AGBL4: variants seen among roughly 807,000 people sequenced by gnomAD.
The protein encoded by AGBL4 is AGBL carboxypeptidase 4.
Under a neutral mutation model 66.4 loss-of-function variants are expected in AGBL4, and 58 were observed. The observed-to-expected ratio is 0.87, with a 90% CI of 0.71 to 1.09. AGBL4 has a LOEUF of 1.09. Among genes scored for constraint, AGBL4 ranks in the 50% least tolerant of loss-of-function variants. The pLI, the probability that AGBL4 is intolerant of heterozygous loss-of-function variation, is 0.00. For missense variants in AGBL4, 579 were observed against 631.0 expected (o/e 0.92, Z 0.88); for synonymous variants, 234 against 222.9 (o/e 1.05, Z -0.44).
At chr1:49,907,726 A>G (rs1650415997) in intron 1 of AGBL4, among the ~76,000 whole-genome samples, 1 of 152,168 alleles carries the variant, frequency 6.6e-6, no homozygotes, top group African/African-American at 2.4e-5. Context: ...TGCTCTGTAT[A>G]TAATTATAAT....
rs550642740 is a variant in AGBL4, at chr1:49,376,974, A to G, written c.283-131110T>C. On this transcript the variant is annotated intron_variant, in intron 3 of 13. Transcript: ENST00000371839. ...GAATGTTTACTTGAAAGTAATAAGT[A>G]AGTCTATATTATCTCTACATCCTCT... Among the ~76,000 whole-genome samples the G allele has an allele frequency of 2.0e-5, 3 of 152,268 alleles. No homozygotes were observed. In the South Asian group the frequency reaches 6.2e-4, roughly 32 times the overall value.
At chr1:49,388,921 A>G (rs1017746435) in intron 3 of AGBL4, among the ~76,000 whole-genome samples, 1 of 152,192 alleles carries the variant, frequency 6.6e-6, no homozygotes, top group East Asian at 1.9e-4. Context: ...GGTTCCTGGG[A>G]TACAAATATG....
intron 3 of AGBL4, among the ~76,000 whole-genome samples, chr1:49,328,427 C>T (rs954004342): frequency 2.0e-5 from 3 of 152,146 alleles, no homozygotes; most frequent in African/African-American, 7.2e-5. Context: ...TTCTTCTTGT[C>T]TTGGTTTTCT....
chr1:48,807,926 C>T lies in AGBL4; in HGVS notation c.634+59265G>A, dbSNP rs1376130198. ...CTGCATCATCTTAATCTCCTCTGGA[C>T]ACAGAAAATCAGTGGGCACATCTTG... On this transcript the variant is annotated intron_variant, in intron 6 of 13. Transcript: ENST00000371839. 2.0e-5 allele frequency among the ~76,000 whole-genome samples: 3 copies of T among 152,100 alleles called. No homozygotes were observed. The East Asian group carries it at 5.8e-4, about 29-fold the overall frequency.
intron 2 of AGBL4, among the ~76,000 whole-genome samples, chr1:49,848,135 G>C (rs931790986): frequency 1.3e-5 from 2 of 152,226 alleles, no homozygotes; most frequent in African/African-American, 2.4e-5. Flanking sequence ...TGAGGATGCA[G>C]AGACAAGAGA....
intron 6 of AGBL4, among the ~76,000 whole-genome samples, chr1:48,813,841 CT>C (rs767698264): frequency 1.3e-3 from 178 of 140,282 alleles, no homozygotes; most frequent in Middle Eastern, 7.3e-3. Context: ...TTTTGGGTAG[CT>C]TTTTTTTTTT....
chr1:48,667,994 G>C (rs544613047), intron 6 of AGBL4, among the ~76,000 whole-genome samples: 1 of 142,014 alleles, frequency 7.0e-6, no homozygotes. Flanking sequence ...TGTTATAATG[G>C]GGGAAGCATT....
chr1:49,172,973 G>A (rs1557699512), intron 4 of AGBL4, among the ~76,000 whole-genome samples: 1 of 152,074 alleles, frequency 6.6e-6, no homozygotes, highest in South Asian at 2.1e-4. Context: ...ACAAAAGTTA[G>A]CCAGGTGTGG....
In AGBL4 at chr1:49,027,722, T is replaced by C. The variant is rs1304139467; in HGVS notation, c.594+17862A>G. ...AAGCTCTATTCAAGGTGGATGCTGC[T>C]AAGAAATAAGTCTTCCTTCCCCCAC... On this transcript the variant is annotated intron_variant, in intron 5 of 13. Coordinates refer to ENST00000371839, the MANE Select transcript of AGBL4 (RefSeq NM_032785.4). 2.0e-5 allele frequency among the ~76,000 whole-genome samples: 3 copies of C among 152,256 alleles called. No homozygotes were observed. The East Asian group carries it at 5.8e-4, about 30-fold the overall frequency.
At chr1:49,281,716 G>C (rs777310149) in intron 3 of AGBL4, among the ~76,000 whole-genome samples, 1 of 152,144 alleles carries the variant, frequency 6.6e-6, no homozygotes, top group Non-Finnish European at 1.5e-5. Context: ...CATCACAATG[G>C]CCAATAATGA....
intron 3 of AGBL4, among the ~76,000 whole-genome samples, chr1:49,251,087 T>C (rs1365073707): frequency 6.6e-6 from 1 of 152,126 alleles, no homozygotes; most frequent in Non-Finnish European, 1.5e-5. Flanking sequence ...CTGCTGGCCA[T>C]TCCTGGGTCC....
chr1:49,186,934 A>G (rs1019693251), intron 4 of AGBL4, among the ~76,000 whole-genome samples: 10 of 152,112 alleles, frequency 6.6e-5, no homozygotes, highest in African/African-American at 2.4e-4. Flanking sequence ...GATTAAAACT[A>G]TGTCATCTAC....
In AGBL4 at chr1:49,740,646, G is replaced by C. The variant is rs537315310; in HGVS notation, c.158-43209C>G. On this transcript the variant is annotated intron_variant, in intron 2 of 13. Transcript: ENST00000371839. ...CTATTCCAAAATTGACCATATAGTA[G>C]GAAATAAAGCACTCCTCAGCAAATG... is the stretch of plus-strand genomic sequence containing the variant. Among the ~76,000 whole-genome samples the C allele has an allele frequency of 4.0e-4, 61 of 152,094 alleles. 1 individual carries two copies. The South Asian group carries it at 7.7e-3, about 19-fold the overall frequency.
intron 3 of AGBL4, chr1:49,257,363 G>C (rs1557773383): frequency 6.3e-6 from 1 of 157,578 alleles, no homozygotes; most frequent in Non-Finnish European, 1.4e-5. Flanking sequence ...ACGTAAGCGA[G>C]CCTCAGCAAT....
At chr1:49,975,948 A>G (rs1377743445) in intron 1 of AGBL4, among the ~76,000 whole-genome samples, 1 of 152,152 alleles carries the variant, frequency 6.6e-6, no homozygotes, top group African/African-American at 2.4e-5. Flanking sequence ...TATATTTAAC[A>G]TGTCTTCACA....
chr1:48,700,464 C>G (rs1329289690), intron 6 of AGBL4, among the ~76,000 whole-genome samples: 3 of 152,292 alleles, frequency 2.0e-5, no homozygotes, highest in African/African-American at 7.2e-5. Context: ...GCTCAGCTAT[C>G]AAGGGCTTCA....
chr1:48,710,320 T>C (rs1646946121), intron 6 of AGBL4, among the ~76,000 whole-genome samples: 1 of 152,140 alleles, frequency 6.6e-6, no homozygotes, highest in South Asian at 2.1e-4. Flanking sequence ...GTACTTACAG[T>C]GCCATGGAGG....
intron 4 of AGBL4, among the ~76,000 whole-genome samples, chr1:49,163,069 C>T (rs903424718): frequency 1.3e-5 from 2 of 152,108 alleles, no homozygotes; most frequent in African/African-American, 2.4e-5. Context: ...CTTAATGGAG[C>T]TCTTCAGCAA....
intron 3 of AGBL4, among the ~76,000 whole-genome samples, chr1:49,320,243 T>C (rs1645108195): frequency 6.6e-6 from 1 of 152,084 alleles, no homozygotes; most frequent in Non-Finnish European, 1.5e-5. Flanking sequence ...TAATTAAATT[T>C]CAAAACAAGT....
Sources: allele counts gnomAD v4.1 joint callset (sites outside exome capture counted in the v4.1 genomes callset), GRCh38; gene constraint gnomAD v4.1.1; transcripts MANE v1.5; gene names NCBI Gene and HGNC (gene_info 2026-07-23, HGNC 2026-07-21).